MICAL2: variants seen among roughly 807,000 people sequenced by gnomAD.
MICAL2 encodes microtubule associated monooxygenase, calponin and LIM domain containing 2, also known as [F-actin]-monooxygenase MICAL2.
Under a neutral mutation model 127.3 loss-of-function variants are expected in MICAL2, and 77 were observed. That is an observed-to-expected ratio of 0.60 (90% CI 0.50 to 0.73). MICAL2 has a LOEUF of 0.73. Ranked by LOEUF, MICAL2 falls within the 30% of genes least tolerant of loss-of-function variation. The probability of loss-of-function intolerance (pLI) is 0.00; values close to 1 mark genes in which losing one functional copy is unlikely to be tolerated. For missense variants in MICAL2, 1,351 were observed against 1,434.4 expected (o/e 0.94, Z 0.94); for synonymous variants, 570 against 551.1 (o/e 1.03, Z -0.48).
chr11:12,327,078 G>A (rs1360242809), intron 31 of MICAL2: 3 of 1,052,676 alleles, frequency 2.8e-6, no homozygotes, highest in South Asian at 2.7e-5. Flanking sequence ...ACAAGTGAAA[G>A]GGCCTCTTTC....
chr11:12,197,890 T>C (rs181098585), intron 3 of MICAL2: 25 of 152,336 alleles, frequency 1.6e-4, no homozygotes, highest in Admixed American at 5.2e-4. Context: ...TTAGTTGGTT[T>C]TTTTAGGGAA....
In MICAL2 at chr11:12,302,672, C is replaced by CT. The variant is rs201762434; in HGVS notation, c.5212+7825dup. ...GATGTCTTTGGATAAACAGAAGTAC[C>CT]TTTTTTTTTTAAGAGACAGTGTCTC... On this transcript the variant is annotated intron_variant, in intron 29 of 34. Transcript: ENST00000646065. 6.2e-4 allele frequency among the ~76,000 whole-genome samples: 92 copies of CT among 148,326 alleles called. No homozygotes were observed. In the South Asian group the frequency reaches 6.9e-3, roughly 11 times the overall value.
intron 8 of MICAL2, among the ~76,000 whole-genome samples, chr11:12,217,662 C>G (rs943065597): frequency 2.6e-5 from 4 of 152,108 alleles, no homozygotes; most frequent in African/African-American, 9.7e-5. Flanking sequence ...TGCAGAGCAC[C>G]GTGGCCTCCT....
intron 6 of MICAL2, among the ~76,000 whole-genome samples, chr11:12,210,203 T>C (rs968615580): frequency 3.9e-5 from 6 of 152,080 alleles, no homozygotes; most frequent in African/African-American, 1.2e-4. Context: ...TTTCGTGGGG[T>C]AAGATCCTGT....
intron 20 of MICAL2, among the ~76,000 whole-genome samples, chr11:12,243,569 G>A (rs924842227): frequency 1.3e-5 from 2 of 152,186 alleles, no homozygotes; most frequent in African/African-American, 4.8e-5. Flanking sequence ...CCTGCCAGGA[G>A]GCTAGCACAG....
At chr11:12,160,180 C>G (rs577340041) in intron 2 of MICAL2, among the ~76,000 whole-genome samples, 1 of 152,266 alleles carries the variant, frequency 6.6e-6, no homozygotes, top group Admixed American at 6.5e-5. Flanking sequence ...CAAGTCTGGG[C>G]ATCCAGTGTC....
Position 12,164,647 on chromosome 11 carries a change from G to A in MICAL2, c.264+2228G>A, listed in dbSNP as rs532122541. On this transcript the variant is annotated intron_variant, in intron 3 of 27. Coordinates refer to ENST00000683283, the MANE Select transcript of MICAL2 (RefSeq NM_001282663.2). ...CATCTTTATAGCTCCATTCCAAAAG[G>A]CTGGAATCTGTCTCTTCCAGGTCAA... is the stretch of plus-strand genomic sequence containing the variant. 5.9e-5 allele frequency among the ~76,000 whole-genome samples: 9 copies of A among 152,230 alleles called. 1 individual carries two copies. Among genetic ancestry groups the A allele is most frequent in the African/African-American group, 2.2e-4 (9 of 41,534 alleles).
downstream of MICAL2, among the ~76,000 whole-genome samples, chr11:12,293,178 A>C (rs1863926687): frequency 6.6e-6 from 1 of 152,064 alleles, no homozygotes; most frequent in African/African-American, 2.4e-5. Context: ...TGAGCAAGAA[A>C]ATGAAGAGCT....
intron 1 of MICAL2, among the ~76,000 whole-genome samples, chr11:12,116,066 T>C (rs980431773): frequency 6.6e-6 from 1 of 151,274 alleles, no homozygotes; most frequent in African/African-American, 2.4e-5. Context: ...CTGCAAGCTC[T>C]GCCAGGTTCA....
intron 3 of MICAL2, among the ~76,000 whole-genome samples, chr11:12,176,528 C>T (rs906536792): frequency 6.6e-6 from 1 of 152,292 alleles, no homozygotes; most frequent in Non-Finnish European, 1.5e-5. Flanking sequence ...TCTTTAAGTG[C>T]ACAGTTCAGT....
chr11:12,135,071 C>T (rs1222639082), intron 1 of MICAL2, among the ~76,000 whole-genome samples: 1 of 152,144 alleles, frequency 6.6e-6, no homozygotes, highest in Non-Finnish European at 1.5e-5. Context: ...TTGGCCTGGC[C>T]TGGAGCATGT....
intron 4 of MICAL2, 195 bp from the exon 5 acceptor site, chr11:12,207,828 C>T (rs562344787): frequency 3.1e-4 from 172 of 548,638 alleles, no homozygotes; most frequent in Admixed American, 2.8e-4. Flanking sequence ...AGAATAATAA[C>T]GATTCCAAAG....
chr11:12,307,706 GT>G (rs1864129289), intron 29 of MICAL2, among the ~76,000 whole-genome samples: 1 of 152,152 alleles, frequency 6.6e-6, no homozygotes, highest in African/African-American at 2.4e-5. Flanking sequence ...GGTACCACTT[GT>G]TTTAAAGACT....
intron 2 of MICAL2, among the ~76,000 whole-genome samples, chr11:12,160,062 T>C (rs1477622662): frequency 6.6e-6 from 1 of 151,670 alleles, no homozygotes; most frequent in Non-Finnish European, 1.5e-5. Context: ...AGGGAATGAG[T>C]GCTAGTCTCC....
intron 3 of MICAL2, among the ~76,000 whole-genome samples, chr11:12,180,770 T>TAGTATC (rs1554968339): frequency 1.3e-5 from 2 of 150,590 alleles, no homozygotes; most frequent in South Asian, 2.1e-4. Flanking sequence ...GTCCTAGACT[T>TAGTATC]TAGTTGCTCA....
At chr11:12,153,682 C>T (rs766864885) in intron 2 of MICAL2, among the ~76,000 whole-genome samples, 1 of 152,196 alleles carries the variant, frequency 6.6e-6, no homozygotes, top group African/African-American at 2.4e-5. Flanking sequence ...GAGTCTGCAC[C>T]TATTTAATAA....
intron 25 of MICAL2, 55 bp from the exon 26 acceptor site, chr11:12,259,740 A>C: frequency 6.9e-7 from 1 of 1,454,292 alleles, no homozygotes; most frequent in Non-Finnish European, 9.3e-7. Flanking sequence ...GCTTTGTTGA[A>C]GTAGTCCTCT....
intron 1 of MICAL2, among the ~76,000 whole-genome samples, chr11:12,122,163 G>A (rs544774047): frequency 4.6e-5 from 7 of 152,332 alleles, no homozygotes; most frequent in African/African-American, 1.7e-4. Flanking sequence ...TGAACCTTGG[G>A]TTTGTTCTCT....
intron 1 of MICAL2, among the ~76,000 whole-genome samples, chr11:12,120,813 C>T (rs564379506): frequency 6.6e-6 from 1 of 152,138 alleles, no homozygotes. Context: ...GTGGACTGAA[C>T]CCAGCGGACT....
Sources: allele counts gnomAD v4.1 joint callset (sites outside exome capture counted in the v4.1 genomes callset), GRCh38; gene constraint gnomAD v4.1.1; transcripts MANE v1.5; gene names NCBI Gene and HGNC (gene_info 2026-07-23, HGNC 2026-07-21).